Variants in CAMTA1 observed in about 807,000 individuals in gnomAD.
CAMTA1 encodes calmodulin-binding transcription activator 1.
Under a neutral mutation model 170.9 loss-of-function variants are expected in CAMTA1, and 27 were observed. The ratio of observed to expected loss-of-function variants is 0.16; its 90% CI spans 0.12 to 0.22. The LOEUF (loss-of-function observed/expected upper bound fraction) is 0.22. Ranked by LOEUF, CAMTA1 falls within the 10% of genes least tolerant of loss-of-function variation. The pLI, the probability that CAMTA1 is intolerant of heterozygous loss-of-function variation, is 1.00. For synonymous variants in CAMTA1, 833 were observed against 891.5 expected (o/e 0.93, Z 1.17); for missense variants, 1,619 against 2,217.2 (o/e 0.73, Z 5.42).
chr1:6,812,821 T>C (rs1335103824), intron 1 of CAMTA1, among the ~76,000 whole-genome samples: 1 of 152,246 alleles, frequency 6.6e-6, no homozygotes, highest in Non-Finnish European at 1.5e-5. Context: ...TGATATATTG[T>C]AATATTAGTT....
At position 6,825,028 on chromosome 1, in the gene CAMTA1, C is replaced by T; in HGVS notation, c.116-64C>T. On this transcript the variant is annotated intron_variant, in intron 2 of 22. Transcript: ENST00000303635. ...ACTGAGCTGCTATTTCTGACTTTGT[C>T]AGTGTACTTTAAAGGAGATTTTATC... The T allele has an allele frequency of 4.2e-6, 4 of 942,092 alleles. No individual in the cohort carries two copies. The South Asian group carries it at 6.7e-5, about 16-fold the overall frequency. 58.4% of individuals were successfully genotyped at this position (942,092 alleles called of 1,614,324 possible).
intron 5 of CAMTA1, among the ~76,000 whole-genome samples, chr1:7,343,563 C>T (rs1041526161): frequency 3.3e-5 from 5 of 152,280 alleles, no homozygotes; most frequent in African/African-American, 1.2e-4. Context: ...AAGGAATGCC[C>T]ATGACCTGCT....
intron 4 of CAMTA1, among the ~76,000 whole-genome samples, chr1:7,156,058 G>A (rs1264969578): frequency 6.6e-6 from 1 of 151,912 alleles, no homozygotes; most frequent in Non-Finnish European, 1.5e-5. Context: ...TTTGAGACCA[G>A]CCTGGCCAAC....
intron 3 of CAMTA1, among the ~76,000 whole-genome samples, chr1:6,861,042 G>A (rs2148896786): frequency 6.8e-6 from 1 of 147,310 alleles, no homozygotes; most frequent in African/African-American, 2.5e-5. Flanking sequence ...TCAACTCACT[G>A]CAACCTCCAC....
chr1:7,722,898 G>A (rs2096658881), intron 11 of CAMTA1, among the ~76,000 whole-genome samples: 1 of 151,982 alleles, frequency 6.6e-6, no homozygotes, highest in African/African-American at 2.4e-5. Flanking sequence ...ACCAGTCTGG[G>A]CAACATAGCA....
chr1:6,840,854 A>C (rs1430165191), intron 3 of CAMTA1, among the ~76,000 whole-genome samples: 1 of 152,170 alleles, frequency 6.6e-6, no homozygotes, highest in Non-Finnish European at 1.5e-5. Flanking sequence ...GGAGAAGGAC[A>C]TGTTTTAAGG....
chr1:7,019,268 T>G (rs1701021713), intron 3 of CAMTA1, among the ~76,000 whole-genome samples: 1 of 152,254 alleles, frequency 6.6e-6, no homozygotes, highest in Admixed American at 6.5e-5. Context: ...TCTTCTTTAC[T>G]GTCAACTTGA....
At position 7,133,362 on chromosome 1, in the gene CAMTA1, G is replaced by A. The variant is rs188379824; in HGVS notation, c.302+41991G>A. The stretch of plus-strand genomic sequence containing the variant: ...TATTTAAGTTATCAAATTCATTGCC[G>A]TAAAATTATTCACAATATTTCCTTA... On this transcript the variant is annotated intron_variant, in intron 4 of 22. Transcript: ENST00000303635. 3.6e-3 allele frequency among the ~76,000 whole-genome samples: 554 copies of A among 152,190 alleles called. 4 individuals are homozygous for A. Among genetic ancestry groups the A allele is most frequent in the Admixed American group, 7.2e-3 (110 of 15,282 alleles).
chr1:7,374,807 AC>A (rs1448238831), intron 5 of CAMTA1, among the ~76,000 whole-genome samples: 3 of 152,156 alleles, frequency 2.0e-5, no homozygotes, highest in Non-Finnish European at 4.4e-5. Flanking sequence ...TGCTGTTATT[AC>A]CCCCACGTTG....
intron 3 of CAMTA1, among the ~76,000 whole-genome samples, chr1:6,906,785 A>T (rs1233836869): frequency 6.6e-6 from 1 of 152,190 alleles, no homozygotes; most frequent in Non-Finnish European, 1.5e-5. Context: ...AAGGGAGTGA[A>T]AGAGGAAGGT....
intron 11 of CAMTA1, among the ~76,000 whole-genome samples, chr1:7,715,457 C>T (rs2096602400): frequency 6.8e-6 from 1 of 148,054 alleles, no homozygotes; most frequent in South Asian, 2.1e-4. Flanking sequence ...TCTTGAGGCA[C>T]GGTCTCTCTC....
At chr1:7,136,870 G>A (rs1645575113) in intron 4 of CAMTA1, among the ~76,000 whole-genome samples, 2 of 152,132 alleles carry the variant, frequency 1.3e-5, no homozygotes, top group Non-Finnish European at 2.9e-5. Context: ...CCCAGGGTTC[G>A]GTCATCATCT....
chr1:7,461,469 A>T (rs571300435), intron 5 of CAMTA1, among the ~76,000 whole-genome samples: 189 of 152,352 alleles, frequency 1.2e-3, no homozygotes, highest in Middle Eastern at 0.01. Flanking sequence ...TGGCTGCTGC[A>T]ACTGAGGAAC....
intron 5 of CAMTA1, among the ~76,000 whole-genome samples, chr1:7,309,145 A>G (rs1676043909): frequency 6.6e-6 from 1 of 152,064 alleles, no homozygotes. Flanking sequence ...TTTGCATGGC[A>G]TATCTTTTTC....
At chr1:6,837,311 C>T (rs1344955463) in intron 3 of CAMTA1, among the ~76,000 whole-genome samples, 1 of 152,070 alleles carries the variant, frequency 6.6e-6, no homozygotes, top group Non-Finnish European at 1.5e-5. Context: ...GACAAGGCGC[C>T]GAGGTGCCTA....
intron 4 of CAMTA1, among the ~76,000 whole-genome samples, chr1:7,138,197 G>A (rs1365281861): frequency 6.6e-6 from 1 of 152,050 alleles, no homozygotes; most frequent in East Asian, 1.9e-4. Context: ...ATGTTGTCCA[G>A]GCTGGTCTCA....
chr1:7,234,938 C>T lies in CAMTA1; in HGVS notation c.303-14553C>T, dbSNP rs1323474587. On this transcript the variant is annotated intron_variant, in intron 4 of 22. Transcript: ENST00000303635. The surrounding 1 kb of genome is among the most constrained non-coding windows in gnomAD (Gnocchi z 5.0). ...AGTAGCTGGGATTAAAAGCACCTGC[C>T]ACCACACCTGGCTAATTTTTGTATT... is the stretch of plus-strand genomic sequence containing the variant. 6.6e-6 allele frequency among the ~76,000 whole-genome samples: 1 copy of T among 151,974 alleles called. No individual in the cohort carries two copies. Among genetic ancestry groups the T allele is most frequent in the Non-Finnish European group, 1.5e-5 (1 of 67,992 alleles).
intron 1 of CAMTA1, among the ~76,000 whole-genome samples, chr1:6,810,767 G>C (rs1645069963): frequency 6.6e-6 from 1 of 152,076 alleles, no homozygotes; most frequent in South Asian, 2.1e-4. Context: ...TCGTGCCACT[G>C]TACTCCAGTC....
At chr1:7,099,196 G>C (rs1259842336) in intron 4 of CAMTA1, among the ~76,000 whole-genome samples, 1 of 152,050 alleles carries the variant, frequency 6.6e-6, no homozygotes, top group African/African-American at 2.4e-5. Context: ...GATTACAGGT[G>C]CCTGCCACCA....
Sources: gnomAD v4.1 joint callset for allele counts (sites outside exome capture counted in the v4.1 genomes callset) on GRCh38, gnomAD v4.1.1 for gene constraint, Gnocchi (gnomAD v3.1) non-coding constraint, MANE v1.5 for transcripts, NCBI Gene and HGNC (gene_info 2026-07-23, HGNC 2026-07-21) for gene names.